NDUFA10: variants seen among roughly 807,000 people sequenced by gnomAD.
The protein encoded by NDUFA10 is NADH dehydrogenase [ubiquinone] 1 alpha subcomplex subunit 10, mitochondrial.
In NDUFA10, 40 loss-of-function variants were observed where a neutral mutation model predicts 47.8. The observed-to-expected ratio is 0.84, with a 90% CI of 0.65 to 1.09. The LOEUF (loss-of-function observed/expected upper bound fraction) is 1.09, where lower values mean the gene tolerates loss of function less well. Ranked by LOEUF, NDUFA10 falls within the 50% of genes least tolerant of loss-of-function variation. The pLI, the probability that NDUFA10 is intolerant of heterozygous loss-of-function variation, is 0.00. For synonymous variants in NDUFA10, 183 were observed against 172.2 expected, an observed-to-expected ratio of 1.06 and a Z score of -0.49; for missense variants, 413 against 451.1, an observed-to-expected ratio of 0.92 and a Z score of 0.76.
At chr2:239,949,750 C>T (rs980635176) in intron 4 of NDUFA10, among the ~76,000 whole-genome samples, 4 of 152,122 alleles carry the variant, frequency 2.6e-5, no homozygotes, top group South Asian at 2.1e-4. Flanking sequence ...CCAAAGCACT[C>T]GGATTACAGG....
At position 240,016,009 on chromosome 2, in the gene NDUFA10, T is replaced by C. The variant is rs959881700; in HGVS notation, c.548-1149A>G. Among the ~76,000 whole-genome samples the C allele has an allele frequency of 1.3e-5, 2 of 151,872 alleles. No homozygotes were observed. The highest frequency in any genetic ancestry group is 2.9e-5 in the Non-Finnish European group (2 of 67,970). ...CCATGTCTACCAAAAATACAAACAT[T>C]AGCCAGTCTCCTAACCTAGTCTCAA... On this transcript the variant is annotated intron_variant, in intron 4 of 9. Coordinates refer to ENST00000252711, the MANE Select transcript of NDUFA10 (RefSeq NM_004544.4). The surrounding 1 kb of genome is among the most constrained non-coding windows in gnomAD (Gnocchi z 4.4).
rs372732213 is a variant in NDUFA10 at position 239,946,879 on chromosome 2, TCCTG to T, written c.294+43191_294+43194del. On this transcript the variant is annotated intron_variant, in intron 4 of 5. Transcript: ENST00000419408. ...AAATGCCTGCTGTGTGTCTTTGATGTCCTGCCTAACTTCTCTGAACCTCAGGCCG... is the reference window on the plus strand; with the variant it reads ...AAATGCCTGCTGTGTGTCTTTGATGTCCTAACTTCTCTGAACCTCAGGCCG... Among the ~76,000 whole-genome samples, 124 of 152,372 alleles carry T rather than the reference TCCTG, an allele frequency of 8.1e-4. 2 individuals are homozygous for T. The South Asian group carries it at 0.014, about 17-fold the overall frequency.
intron 9 of NDUFA10, among the ~76,000 whole-genome samples, chr2:239,974,763 T>C (rs4854062): frequency 0.57 from 82,224 of 143,018 alleles, 23,856 homozygotes; most frequent in Admixed American, 0.6. Context: ...TGTGACACTC[T>C]GCCACCAAAG....
intron 4 of NDUFA10, among the ~76,000 whole-genome samples, chr2:239,939,488 C>T (rs187487868): frequency 1.8e-3 from 270 of 152,348 alleles, no homozygotes; most frequent in Non-Finnish European, 1.2e-3. Context: ...TTGCTGAAGG[C>T]ATTTCTGCTT....
chr2:239,956,116 C>T (rs1694647155), downstream of NDUFA10, among the ~76,000 whole-genome samples: 1 of 152,188 alleles, frequency 6.6e-6, no homozygotes, highest in Non-Finnish European at 1.5e-5. Flanking sequence ...CCATCACTGA[C>T]TCCCAAGAGC....
chr2:240,022,195 G>T lies in NDUFA10; in HGVS notation c.221C>A (p.Ala74Glu). The T allele has an allele frequency of 1.2e-6, 2 of 1,613,050 alleles. No individual in the cohort carries two copies. The highest frequency in any genetic ancestry group is 1.7e-6 in the Non-Finnish European group (2 of 1,179,158). Residue 74 changes from alanine to glutamate, a missense_variant, in exon 2 of 10, where the codon GCA becomes GAA. Coordinates refer to ENST00000252711, the MANE Select transcript of NDUFA10 (RefSeq NM_004544.4). ...ACCTAGTTTCTCTGCTATTTCTTTT[G>T]CAAGTTTGCCTTTTCCAGTACATAT... ...GNICTGKGKL[A>E]KEIAEKLGFK...
At chr2:239,980,377 T>A (rs982816461) in intron 9 of NDUFA10, among the ~76,000 whole-genome samples, 1 of 152,202 alleles carries the variant, frequency 6.6e-6, no homozygotes, top group African/African-American at 2.4e-5. Context: ...CCTGACTCTA[T>A]CTCTGGGATA....
rs192809538 is a variant in NDUFA10 at position 240,000,850 on chromosome 2, C to T, written c.890+4360G>A. ...GGCCTAGGAGCAACAGGCTCCACCA[C>T]ACCACCTAGGTGTGCAGGTTATAGC... On this transcript the variant is annotated intron_variant, in intron 8 of 9. Coordinates refer to ENST00000252711, the MANE Select transcript of NDUFA10 (RefSeq NM_004544.4). Among the ~76,000 whole-genome samples, 121 of 152,398 alleles carry T rather than the reference C, an allele frequency of 7.9e-4. 2 individuals carry two copies. In the South Asian group the frequency reaches 0.014, roughly 17 times the overall value.
At position 240,007,212 on chromosome 2, in the gene NDUFA10, G is replaced by A. The variant is rs933599289; in HGVS notation, c.804+104C>T. 7 of 868,746 alleles carry A rather than the reference G, an allele frequency of 8.1e-6. No homozygotes were observed. The African/African-American group carries it at 1.2e-4, about 14-fold the overall frequency. 53.8% of individuals were successfully genotyped at this position (868,746 alleles called of 1,614,324 possible). The stretch of plus-strand genomic sequence containing the variant: ...TGCTTTCAGGTGATAAAACAGTGAT[G>A]TTTGTTAAGACCAGTGGGAATCTAA... On this transcript the variant is annotated intron_variant, in intron 7 of 9. Coordinates refer to ENST00000252711, the MANE Select transcript of NDUFA10 (RefSeq NM_004544.4).
chr2:239,900,479 T>A (rs1426189893), intron 4 of NDUFA10, among the ~76,000 whole-genome samples: 1 of 151,988 alleles, frequency 6.6e-6, no homozygotes, highest in South Asian at 2.1e-4. Flanking sequence ...CTTATCTTTG[T>A]CTCTGCCAAA....
At chr2:239,951,984 G>A (rs768375387) in intron 4 of NDUFA10, among the ~76,000 whole-genome samples, 17 of 152,218 alleles carry the variant, frequency 1.1e-4, no homozygotes, top group Non-Finnish European at 2.4e-4. Context: ...TCTTTCCCTC[G>A]GTAGGTGCTG....
chr2:239,954,445 G>A (rs1233228803), downstream of NDUFA10, among the ~76,000 whole-genome samples: 7 of 152,228 alleles, frequency 4.6e-5, no homozygotes, highest in African/African-American at 1.2e-4. Context: ...GTCCTCACGC[G>A]CTCCTTCACC....
chr2:240,020,998 T>A (rs931574914), intron 3 of NDUFA10, 199 bp downstream of exon 3: 26 of 634,672 alleles, frequency 4.1e-5, no homozygotes, highest in Admixed American at 9.5e-5. Context: ...CACTCCAGTA[T>A]CCATAGTGAA....
intron 9 of NDUFA10, among the ~76,000 whole-genome samples, chr2:239,965,439 C>T (rs2106399919): frequency 6.6e-6 from 1 of 152,324 alleles, no homozygotes; most frequent in Non-Finnish European, 1.5e-5. Context: ...AGTGCTCATT[C>T]ATCACATGAG....
At chr2:239,964,602 C>T (rs770605919) in intron 9 of NDUFA10, among the ~76,000 whole-genome samples, 1 of 152,086 alleles carries the variant, frequency 6.6e-6, no homozygotes, top group Non-Finnish European at 1.5e-5. Flanking sequence ...GGGAACAGGT[C>T]GAGGATGCAG....
intron 4 of NDUFA10, among the ~76,000 whole-genome samples, chr2:239,905,935 C>T (rs557768485): frequency 4.6e-5 from 7 of 151,740 alleles, no homozygotes; most frequent in Non-Finnish European, 7.4e-5. Flanking sequence ...AAGTGGAGGC[C>T]GGCCTCCCCT....
At chr2:239,977,803 C>T (rs892761467) in intron 9 of NDUFA10, among the ~76,000 whole-genome samples, 3 of 152,338 alleles carry the variant, frequency 2.0e-5, no homozygotes, top group Non-Finnish European at 2.9e-5. Context: ...CAATGGCCAA[C>T]GTGGTCACTG....
At chr2:239,979,220 G>C (rs1695662557) in intron 9 of NDUFA10, among the ~76,000 whole-genome samples, 1 of 152,186 alleles carries the variant, frequency 6.6e-6, no homozygotes, top group African/African-American at 2.4e-5. Flanking sequence ...AAGTTCCTTT[G>C]TTACAAACGG....
rs1012086424 is a variant in NDUFA10, at chr2:240,018,558, T to A, written c.542A>T (p.Lys181Met). 2 of 1,614,210 alleles carry A rather than the reference T, an allele frequency of 1.2e-6. No individual in the cohort carries two copies. The highest frequency in any genetic ancestry group is 3.3e-5 in the Admixed American group (2 of 60,024). ...EAMYNQGFIR[K>M]QCVDHYNEVK... is the part of the protein sequence containing the mutation. ...GGTCTGCAATGCTGACTCACACTGC[T>A]TTCGGATGAATCCCTGGTTGTACAT... Residue 181 changes from lysine to methionine, a missense_variant, in exon 4 of 10, where the codon AAG (lysine) becomes ATG (methionine). Transcript: ENST00000252711.
Sources: allele counts gnomAD v4.1 joint callset (sites outside exome capture counted in the v4.1 genomes callset), GRCh38; gene constraint gnomAD v4.1.1; non-coding constraint Gnocchi (gnomAD v3.1); transcripts MANE v1.5; gene names NCBI Gene and HGNC (gene_info 2026-07-23, HGNC 2026-07-21).